Variants in ATRNL1 observed in about 807,000 individuals in gnomAD.
ATRNL1 encodes the protein attractin like 1.
Under a neutral mutation model 182.7 loss-of-function variants are expected in ATRNL1, and 95 were observed. The observed-to-expected ratio is 0.52, with a 90% CI of 0.44 to 0.62. The LOEUF is 0.62. ATRNL1 is among the 20% of genes least tolerant of loss of function. ATRNL1 has a pLI of 0.00. For synonymous variants in ATRNL1, 576 were observed against 568.3 expected, an observed-to-expected ratio of 1.01 and a Z score of -0.19; for missense variants, 1,471 against 1,679.5, an observed-to-expected ratio of 0.88 and a Z score of 2.17.
At chr10:115,811,378 T>C (rs1555086958) in intron 27 of ATRNL1, among the ~76,000 whole-genome samples, 1 of 152,004 alleles carries the variant, frequency 6.6e-6, no homozygotes, top group African/African-American at 2.4e-5. Context: ...GTTTGTTTTA[T>C]GGCTGAGAGT....
At chr10:115,252,397 G>C in intron 10 of ATRNL1, among the ~76,000 whole-genome samples, 1 of 152,140 alleles carries the variant, frequency 6.6e-6, no homozygotes, top group East Asian at 1.9e-4. Flanking sequence ...ACCTAGATGA[G>C]TTATGTTGAT....
intron 28 of ATRNL1, among the ~76,000 whole-genome samples, chr10:115,923,909 G>A (rs1449148996): frequency 1.3e-5 from 2 of 152,158 alleles, no homozygotes; most frequent in African/African-American, 2.4e-5. Context: ...AGCCTCACCA[G>A]CATCTATTGT....
chr10:115,153,337 T>TGTCTG (rs1362591570), intron 5 of ATRNL1, among the ~76,000 whole-genome samples: 4 of 152,096 alleles, frequency 2.6e-5, no homozygotes, highest in Non-Finnish European at 5.9e-5. Context: ...GCTGTGAATG[T>TGTCTG]GTCTGGTCCT....
chr10:115,761,130 G>T (rs185218746), intron 27 of ATRNL1, among the ~76,000 whole-genome samples: 1 of 151,826 alleles, frequency 6.6e-6, no homozygotes, highest in African/African-American at 2.4e-5. Context: ...ATCAAATCAT[G>T]TAATCAAAAG....
intron 28 of ATRNL1, among the ~76,000 whole-genome samples, chr10:115,854,600 A>T (rs1555101395): frequency 1.3e-5 from 2 of 152,072 alleles, no homozygotes; most frequent in Non-Finnish European, 2.9e-5. Context: ...CTCAACCTGG[A>T]TTTCCTCCCG....
rs782310880 is a variant in ATRNL1, at chr10:115,334,398, A to G, written c.3154A>G (p.Thr1052Ala). 6.2e-7 allele frequency: 1 copy of G among 1,602,412 alleles called. No homozygotes were observed. The highest frequency in any genetic ancestry group is 8.5e-7 in the Non-Finnish European group (1 of 1,172,246). Residue 1052 changes from threonine (T) to alanine (A), a missense_variant, in exon 19 of 29, where the codon ACC (threonine) becomes GCC (alanine). Transcript: ENST00000355044. ...DCMPGYYGDP[T>A]NGGQCTACTC... is the part of the protein sequence containing the mutation. ...TATGCCAGGTTATTATGGAGATCCA[A>G]CCAATGGTGGACAGTGCACAGGTAA... is the stretch of plus-strand genomic sequence containing the variant.
chr10:115,436,472 T>G (rs1554964849), intron 21 of ATRNL1, among the ~76,000 whole-genome samples: 1 of 152,148 alleles, frequency 6.6e-6, no homozygotes, highest in Non-Finnish European at 1.5e-5. Flanking sequence ...CTGTGTTTTT[T>G]CTATGATATG....
At position 115,467,442 on chromosome 10, in the gene ATRNL1, T is replaced by C. The variant is rs782675346; in HGVS notation, c.3496+190T>C. Reference sequence around the variant, plus strand: ...TCATTATTTTGTTAACTTTCTCCTTTATTCAATTAAAATTAGATTGGTAAC... The same window carrying C: ...TCATTATTTTGTTAACTTTCTCCTTCATTCAATTAAAATTAGATTGGTAAC... On this transcript the variant is annotated intron_variant, in intron 23 of 28. Coordinates refer to ENST00000355044, the MANE Select transcript of ATRNL1 (RefSeq NM_207303.4). Among the ~76,000 whole-genome samples the C allele has an allele frequency of 6.6e-5, 10 of 150,888 alleles. No individual in the cohort carries two copies. In the East Asian group the frequency reaches 1.9e-3, roughly 29 times the overall value.
intron 6 of ATRNL1, among the ~76,000 whole-genome samples, chr10:115,161,137 G>A (rs1288104659): frequency 6.6e-6 from 1 of 151,840 alleles, no homozygotes; most frequent in African/African-American, 2.4e-5. Flanking sequence ...TGGGTATCTT[G>A]TATTTTATCT....
At chr10:115,710,388 C>T (rs1555054164) in intron 26 of ATRNL1, among the ~76,000 whole-genome samples, 2 of 152,046 alleles carry the variant, frequency 1.3e-5, no homozygotes, top group African/African-American at 4.8e-5. Context: ...CAAAAGATCT[C>T]CCTTGAGCTG....
At chr10:115,244,469 G>C (rs1554903621) in intron 10 of ATRNL1, among the ~76,000 whole-genome samples, 1 of 152,064 alleles carries the variant, frequency 6.6e-6, no homozygotes, top group Non-Finnish European at 1.5e-5. Context: ...TACGTAATCA[G>C]ATTCTTTGAG....
chr10:115,373,811 A>T (rs1857518511), intron 19 of ATRNL1, among the ~76,000 whole-genome samples: 1 of 151,550 alleles, frequency 6.6e-6, no homozygotes, highest in Admixed American at 6.6e-5. Context: ...TTTATTAGAG[A>T]TATTGACTGG....
chr10:115,365,648 G>T (rs1442695784), intron 19 of ATRNL1, among the ~76,000 whole-genome samples: 1 of 150,968 alleles, frequency 6.6e-6, no homozygotes, highest in South Asian at 2.1e-4. Context: ...GCTTTCTCTT[G>T]TGGGCATTTA....
intron 27 of ATRNL1, among the ~76,000 whole-genome samples, chr10:115,788,269 T>C (rs972218552): frequency 5.3e-5 from 8 of 152,194 alleles, no homozygotes; most frequent in African/African-American, 1.9e-4. Context: ...ATTCTGAACT[T>C]CCCCATAGAA....
chr10:115,855,387 C>T (rs1951155902), intron 28 of ATRNL1, among the ~76,000 whole-genome samples: 1 of 152,188 alleles, frequency 6.6e-6, no homozygotes, highest in African/African-American at 2.4e-5. Flanking sequence ...TGAAATCCCA[C>T]ACCTTCTAAC....
chr10:115,217,322 A>G (rs1163407924), intron 9 of ATRNL1, among the ~76,000 whole-genome samples: 1 of 152,138 alleles, frequency 6.6e-6, no homozygotes, highest in Non-Finnish European at 1.5e-5. Flanking sequence ...TCCTGACCTC[A>G]GGTGATCCAC....
chr10:115,659,142 C>T (rs186491366), intron 26 of ATRNL1, among the ~76,000 whole-genome samples: 6 of 151,976 alleles, frequency 3.9e-5, no homozygotes, highest in Admixed American at 3.9e-4. Context: ...CAAAACATAT[C>T]ACCATCTCTA....
chr10:115,578,249 G>A (rs373316965), intron 26 of ATRNL1, among the ~76,000 whole-genome samples: 2 of 151,768 alleles, frequency 1.3e-5, no homozygotes, highest in Admixed American at 6.6e-5. Flanking sequence ...TTTGATGTCA[G>A]GGTGATACTA....
intron 27 of ATRNL1, among the ~76,000 whole-genome samples, chr10:115,728,111 TAAAAAAAAAAAAAAAAGA>T (rs1182640717): frequency 1.4e-4 from 6 of 44,374 alleles, no homozygotes; most frequent in African/African-American, 4.7e-4. Context: ...CCGTCTCTAC[TAAAAAAAAAAAAAAAAGA>T]AAAAAAAAAA....
Sources: gnomAD v4.1 joint callset for allele counts (sites outside exome capture counted in the v4.1 genomes callset) on GRCh38, gnomAD v4.1.1 for gene constraint, MANE v1.5 for transcripts, NCBI Gene and HGNC (gene_info 2026-07-23, HGNC 2026-07-21) for gene names.